The following ATP10A variants were observed in gnomAD, a reference collection of about 807,000 sequenced individuals.
ATP10A encodes phospholipid-transporting ATPase VA.
In ATP10A, 111 loss-of-function variants were observed where a neutral mutation model predicts 147.8. That is an observed-to-expected ratio of 0.75 (90% CI 0.64 to 0.88). The LOEUF is 0.88. ATP10A is among the 40% of genes least tolerant of loss of function. ATP10A has a pLI of 0.00. For synonymous variants in ATP10A, 875 were observed against 841.6 expected (o/e 1.04, Z -0.69); for missense variants, 1,927 against 1,959.0 (o/e 0.98, Z 0.31).
chr15:25,693,654 C>T (rs1900154651), intron 14 of ATP10A, among the ~76,000 whole-genome samples: 1 of 152,222 alleles, frequency 6.6e-6, no homozygotes, highest in Non-Finnish European at 1.5e-5. Context: ...ACCCCAGGCA[C>T]ATGAAGGCAA....
At chr15:25,843,902 T>G (rs912364784) in intron 1 of ATP10A, among the ~76,000 whole-genome samples, 3 of 152,116 alleles carry the variant, frequency 2.0e-5, no homozygotes, top group Non-Finnish European at 4.4e-5. Context: ...GAGTCTCCCT[T>G]TTAGCCGATT....
Position 25,683,464 on chromosome 15 carries a change from C to G in ATP10A, c.3314G>C (p.Trp1105Ser). 6.2e-7 allele frequency: 1 copy of G among 1,613,712 alleles called. No individual in the cohort carries two copies. The highest frequency in any genetic ancestry group is 8.5e-7 in the Non-Finnish European group (1 of 1,179,806). Residue 1105 changes from tryptophan to serine, a missense_variant, in exon 17 of 21, where the codon TGG becomes TCG. Transcript: ENST00000555815. ...AGAGAAGCCACAGAAAAACTGGAACCAAAACAGGAGGCCCACGAACATCTG... is the reference window on the plus strand; with the variant it reads ...AGAGAAGCCACAGAAAAACTGGAACGAAAACAGGAGGCCCACGAACATCTG... ...KNTMFVGLLFWFQFFCGFSAS... is the reference protein window; with the variant it reads ...KNTMFVGLLFSFQFFCGFSAS...
At chr15:25,777,457 C>T (rs1250211400) in intron 2 of ATP10A, among the ~76,000 whole-genome samples, 4 of 152,136 alleles carry the variant, frequency 2.6e-5, no homozygotes, top group African/African-American at 7.2e-5. Flanking sequence ...TCCACCAGTA[C>T]AGCCCCTAAG....
At chr15:25,788,579 C>G (rs1217927027) in intron 1 of ATP10A, among the ~76,000 whole-genome samples, 1 of 152,218 alleles carries the variant, frequency 6.6e-6, no homozygotes, top group Non-Finnish European at 1.5e-5. Flanking sequence ...GGTTTTTCCT[C>G]ACTATTATTG....
At chr15:25,768,161 C>T (rs1021868055) in intron 2 of ATP10A, among the ~76,000 whole-genome samples, 1 of 152,098 alleles carries the variant, frequency 6.6e-6, no homozygotes, top group Non-Finnish European at 1.5e-5. Context: ...ACGAGGAAAC[C>T]GCTGGACCCT....
intron 1 of ATP10A, among the ~76,000 whole-genome samples, chr15:25,810,260 C>A (rs912255127): frequency 6.6e-6 from 1 of 152,204 alleles, no homozygotes; most frequent in African/African-American, 2.4e-5. Flanking sequence ...AAGGGCCTGG[C>A]TTAAGATCCC....
At chr15:25,800,117 C>A in intron 1 of ATP10A, among the ~76,000 whole-genome samples, 1 of 152,236 alleles carries the variant, frequency 6.6e-6, no homozygotes, top group South Asian at 2.1e-4. Context: ...CAAGGGTGCA[C>A]GCAACAGCTC....
chr15:25,843,226 AC>A (rs1384721880), intron 1 of ATP10A, among the ~76,000 whole-genome samples: 1 of 23,446 alleles, frequency 4.3e-5, no homozygotes, highest in Non-Finnish European at 9.2e-5. Context: ...TCCACCCCCC[AC>A]CCCCCACCCC....
At chr15:25,772,586 C>T (rs907872554) in intron 2 of ATP10A, among the ~76,000 whole-genome samples, 5 of 152,200 alleles carry the variant, frequency 3.3e-5, no homozygotes, top group African/African-American at 1.2e-4. Flanking sequence ...AACAAACCTA[C>T]ATCCATAATG....
In ATP10A at chr15:25,679,680, C is replaced by T. The variant is rs748070885; in HGVS notation, c.4161G>A (p.Gly1387=). 6.2e-7 allele frequency: 1 copy of T among 1,613,174 alleles called. No individual in the cohort carries two copies. Among genetic ancestry groups the T allele is most frequent in the Non-Finnish European group, 8.5e-7 (1 of 1,180,012 alleles). Residue 1387 remains glycine, a synonymous_variant, in exon 21 of 21, where the codon GGG becomes GGA. Coordinates refer to ENST00000555815, the MANE Select transcript of ATP10A (RefSeq NM_024490.4). The stretch of plus-strand genomic sequence containing the variant: ...AGGACATGGGGGCCGGTGCGCTCAG[C>T]CCCTCCAGCAGGGTGTGCTCCCTCA... ...MPVREHTLLE[G]LSAPAPMSSA...
chr15:25,844,691 C>G (rs1286550392), intron 1 of ATP10A, among the ~76,000 whole-genome samples: 1 of 152,150 alleles, frequency 6.6e-6, no homozygotes, highest in East Asian at 1.9e-4. Flanking sequence ...CTGGACCACC[C>G]TGAGAGGCTG....
intron 1 of ATP10A, among the ~76,000 whole-genome samples, chr15:25,789,565 AGTGTGT>A (rs59744412): frequency 1.6e-4 from 22 of 141,328 alleles, no homozygotes; most frequent in African/African-American, 3.6e-4. Context: ...CCAATAAAGA[AGTGTGT>A]GTGTGTGTGT....
chr15:25,824,247 C>G (rs1892012508), intron 1 of ATP10A, among the ~76,000 whole-genome samples: 1 of 152,048 alleles, frequency 6.6e-6, no homozygotes. Flanking sequence ...GAGGCCATGG[C>G]AGGAGGATTA....
At chr15:25,731,692 TCCTAACTCTGAAGATTTCGCTAGGGCTTA>T (rs777860265) in intron 3 of ATP10A, among the ~76,000 whole-genome samples, 8 of 152,264 alleles carry the variant, frequency 5.3e-5, no homozygotes, top group Middle Eastern at 3.4e-3. Context: ...TACTTCCAGA[TCCTAACTCTGAAGATTTCGCTAGGGCTTA>T]ACTATATGAG....
chr15:25,863,940 C>CT (rs1388613815), upstream of ATP10A, among the ~76,000 whole-genome samples: 2 of 152,118 alleles, frequency 1.3e-5, no homozygotes, highest in African/African-American at 2.4e-5. Flanking sequence ...AATTCTTTTT[C>CT]TTTTTTCTGT....
At chr15:25,772,953 C>G (rs770494257) in intron 2 of ATP10A, among the ~76,000 whole-genome samples, 1 of 152,088 alleles carries the variant, frequency 6.6e-6, no homozygotes, top group Non-Finnish European at 1.5e-5. Context: ...CTGGGGTTCA[C>G]GAAGTCATTT....
At chr15:25,682,011 A>ATGGG in intron 17 of ATP10A, among the ~76,000 whole-genome samples, 1 of 149,676 alleles carries the variant, frequency 6.7e-6, no homozygotes, top group African/African-American at 2.5e-5. Flanking sequence ...CCGAGATCAC[A>ATGGG]CCACTGCCCT....
At chr15:25,808,835 G>A (rs1004985756) in intron 1 of ATP10A, among the ~76,000 whole-genome samples, 52 of 152,174 alleles carry the variant, frequency 3.4e-4, no homozygotes, top group African/African-American at 1.1e-3. Context: ...AGGGAACCTG[G>A]AGCAGCTCCT....
intron 1 of ATP10A, among the ~76,000 whole-genome samples, chr15:25,856,941 A>G (rs1401687998): frequency 1.3e-5 from 2 of 152,164 alleles, no homozygotes; most frequent in Non-Finnish European, 2.9e-5. Context: ...CAAATAACCC[A>G]ATTTCTTCAA....
Sources: allele counts gnomAD v4.1 joint callset (sites outside exome capture counted in the v4.1 genomes callset), GRCh38; gene constraint gnomAD v4.1.1; transcripts MANE v1.5; gene names NCBI Gene and HGNC (gene_info 2026-07-23, HGNC 2026-07-21).